The following ZNF415 variants were observed in gnomAD, a reference collection of about 807,000 sequenced individuals.
ZNF415 encodes the protein zinc finger protein 415.
ZNF415 carries 5 observed loss-of-function variants against 7.3 expected under a neutral mutation model. The ratio of observed to expected loss-of-function variants is 0.69; its 90% CI spans 0.36 to 1.44. ZNF415 has a LOEUF of 1.44. ZNF415 is among the 40% of genes most tolerant of loss of function. The probability of loss-of-function intolerance (pLI) is 0.04; values close to 1 mark genes in which losing one functional copy is unlikely to be tolerated. For synonymous variants in ZNF415, 207 were observed against 226.3 expected, an observed-to-expected ratio of 0.91 and a Z score of 0.77; for missense variants, 628 against 664.8, an observed-to-expected ratio of 0.94 and a Z score of 0.61.
At chr19:53,115,745 C>G in intron 3 of ZNF415, 6 of 1,550,510 alleles carry the variant, frequency 3.9e-6, no homozygotes, top group Non-Finnish European at 5.2e-6. Context: ...TTTTGGTTTT[C>G]TTGCTACTCG....
In ZNF415 at chr19:53,109,577, T is replaced by G; in HGVS notation, c.468A>C (p.Glu156Asp). Residue 156 changes from glutamate (E) to aspartate (D), a missense_variant, in exon 4 of 4, where the codon GAA becomes GAC. By Grantham distance (45) the Glu-to-Asp change is conservative. Coordinates refer to ENST00000243643, the MANE Select transcript of ZNF415 (RefSeq NM_018355.4). ...CATGGTTACATTCATAAATTTTCCC[T>G]TCAGCTTGAAACTGCTGCAGTTCAT... ...HPHELQQFQA[E>D]GKIYECNHVE... 1 of 1,614,134 alleles carries G rather than the reference T, an allele frequency of 6.2e-7. No individual in the cohort carries two copies.
At chr19:53,112,860 G>A (rs2086433986) in intron 3 of ZNF415, among the ~76,000 whole-genome samples, 1 of 152,088 alleles carries the variant, frequency 6.6e-6, no homozygotes, top group Admixed American at 6.5e-5. Context: ...GCCGAGGCGG[G>A]TGGATCACAT....
chr19:53,132,014 C>T (rs2090141783), intron 1 of ZNF415, among the ~76,000 whole-genome samples: 1 of 152,070 alleles, frequency 6.6e-6, no homozygotes, highest in African/African-American at 2.4e-5. Flanking sequence ...GAGCCTCCTC[C>T]TTTGCTGCCC....
In ZNF415 at chr19:53,109,454, GA is replaced by G. The variant is rs780109923; in HGVS notation, c.590del (p.Phe197SerfsTer29). ...THVSNKYGTD[F>X]ICSSLLTQEQ... Reference sequence around the variant, plus strand: ...CTTGTGTGAGTAATGAAGAACAGATGAAATCAGTCCCATATTTATTAGAAAC... The same window carrying G: ...CTTGTGTGAGTAATGAAGAACAGATGAATCAGTCCCATATTTATTAGAAAC... On this transcript the variant is annotated frameshift_variant, in exon 4 of 4. Coordinates refer to ENST00000243643, the MANE Select transcript of ZNF415 (RefSeq NM_018355.4). LOFTEE classifies it low-confidence loss of function (END_TRUNC). The G allele has an allele frequency of 6.2e-6, 10 of 1,613,974 alleles. No individual in the cohort carries two copies. The highest frequency in any genetic ancestry group is 1.3e-5 in the African/African-American group (1 of 74,930).
chr19:53,108,874 T>C lies in ZNF415; in HGVS notation c.1171A>G (p.Lys391Glu), dbSNP rs140107236. 1 of 1,614,130 alleles carries C rather than the reference T, an allele frequency of 6.2e-7. No homozygotes were observed. The highest frequency in any genetic ancestry group is 1.1e-5 in the South Asian group (1 of 91,074). Residue 391 changes from lysine to glutamate, a missense_variant, in exon 4 of 4, where the codon AAA becomes GAA. Physicochemically the swap from Lys to Glu is moderately conservative, Grantham distance 56 (BLOSUM62 1). Coordinates refer to ENST00000243643, the MANE Select transcript of ZNF415 (RefSeq NM_018355.4). The stretch of plus-strand genomic sequence containing the variant: ...AGGCTTGAAGTCTGACTGAAGACTT[T>C]ACCACATTCATTACACTTGTATGGT... ...EKPYKCNECG[K>E]VFSQTSSLAR... is the part of the protein sequence containing the mutation.
rs1478678683 is a variant in ZNF415 at position 53,128,652 on chromosome 19, G to A, written c.-68+4204C>T. Among the ~76,000 whole-genome samples, 25 of 114,392 alleles carry A rather than the reference G, an allele frequency of 2.2e-4. 2 individuals carry two copies. Among genetic ancestry groups the A allele is most frequent in the Non-Finnish European group, 3.0e-4 (15 of 50,386 alleles). The allele number at this position is 114,392 out of a possible 152,430, so 75.0% of individuals were successfully genotyped here. ...TGGAGTAAGGCGGTGGGGACGCCTCGGCACTGGCTGAGGACACAGGGTCTG... is the reference window on the plus strand; with the variant it reads ...TGGAGTAAGGCGGTGGGGACGCCTCAGCACTGGCTGAGGACACAGGGTCTG... On this transcript the variant is annotated intron_variant, in intron 1 of 3. Coordinates refer to ENST00000243643, the MANE Select transcript of ZNF415 (RefSeq NM_018355.4).
chr19:53,128,011 C>G (rs141554263), intron 1 of ZNF415, among the ~76,000 whole-genome samples: 15 of 152,290 alleles, frequency 9.8e-5, no homozygotes, highest in Non-Finnish European at 1.5e-4. Flanking sequence ...CAATTCTACT[C>G]ACTCCTTGAT....
At chr19:53,116,630 G>GTTTTTTTTTTTTTTTTTTTTTTT (rs2087100870) in intron 2 of ZNF415, among the ~76,000 whole-genome samples, 197 bp from the exon 3 acceptor site, 1 of 100,662 alleles carries the variant, frequency 9.9e-6, no homozygotes, top group Admixed American at 9.9e-5. Context: ...TTTTTTTTTG[G>GTTTTTTTTTTTTTTTTTTTTTTT]TTTGAGACAA....
chr19:53,123,679 C>T (rs2088532584), intron 1 of ZNF415: 2 of 398,428 alleles, frequency 5.0e-6, no homozygotes, highest in East Asian at 7.1e-5. Flanking sequence ...TCAGGCAGGG[C>T]AGATGCTGTC....
intron 3 of ZNF415, among the ~76,000 whole-genome samples, chr19:53,112,684 G>T (rs1380748574): frequency 6.6e-6 from 1 of 152,204 alleles, no homozygotes; most frequent in South Asian, 2.1e-4. Flanking sequence ...GGTATCATGT[G>T]AGGATAGGAG....
At chr19:53,130,668 G>T (rs537192094) in intron 1 of ZNF415, among the ~76,000 whole-genome samples, 11 of 150,644 alleles carry the variant, frequency 7.3e-5, no homozygotes, top group African/African-American at 2.4e-4. Context: ...TTTGTTCTTT[G>T]TTTTTTTTTC....
chr19:53,111,340 CTTTTTTTTTTTT>C (rs61112807), intron 3 of ZNF415, among the ~76,000 whole-genome samples: 1 of 105,120 alleles, frequency 9.5e-6, no homozygotes, highest in Non-Finnish European at 1.8e-5. Context: ...TATGATATTT[CTTTTTTTTTTTT>C]TTTTTTTTTG....
intron 2 of ZNF415, among the ~76,000 whole-genome samples, chr19:53,120,960 T>C (rs2087906302): frequency 6.6e-6 from 1 of 150,608 alleles, no homozygotes; most frequent in Non-Finnish European, 1.5e-5. Context: ...GGCGCGTGCC[T>C]GTAATCCCAG....
At chr19:53,122,487 G>A in intron 2 of ZNF415, 175 bp downstream of exon 2, 4 of 1,566,096 alleles carry the variant, frequency 2.6e-6, no homozygotes, top group Non-Finnish European at 3.5e-6. Context: ...ACAGGGTCAG[G>A]GTGAGACGGA....
chr19:53,111,429 G>C (rs916609690), intron 3 of ZNF415, among the ~76,000 whole-genome samples: 3 of 141,864 alleles, frequency 2.1e-5, no homozygotes, highest in African/African-American at 7.9e-5. Flanking sequence ...TGCAACCTCT[G>C]CTTCCTGGGT....
Position 53,122,292 on chromosome 19 carries a change from C to T in ZNF415, c.15+370G>A. ...AAAACAAAAACAACAAAAAACATGA[C>T]TTCCATGGGCAGCTTCTCTATTCCT... On this transcript the variant is annotated intron_variant, in intron 2 of 3. Transcript: ENST00000243643. 3.7e-6 allele frequency: 4 copies of T among 1,083,448 alleles called. No individual in the cohort carries two copies. The South Asian group carries it at 6.0e-5, about 16-fold the overall frequency. The allele number at this position is 1,083,448 out of a possible 1,614,324, so 67.1% of individuals were successfully genotyped here.
chr19:53,115,883 A>C, intron 3 of ZNF415: 12 of 1,245,406 alleles, frequency 9.6e-6, no homozygotes, highest in Non-Finnish European at 1.4e-5. Context: ...CAAGAATCTC[A>C]GCCCTTTGCT....
At position 53,108,412 on chromosome 19, in the gene ZNF415, T is replaced by A. The variant is rs35910175; in HGVS notation, c.1633A>T (p.Ile545Phe). The change falls in exon 4 of 4, where the codon ATC (isoleucine) becomes TTC (phenylalanine). Residue 545 changes from isoleucine to phenylalanine, a missense_variant. Physicochemically the swap from Ile to Phe is conservative, Grantham distance 21. Transcript: ENST00000243643. Reference sequence around the variant, plus strand: ...TTATAAGGTTTCTCCTTAGTATGGATAATTTGATGTCTGAAGAGGTTTGGG... The same window carrying A: ...TTATAAGGTTTCTCCTTAGTATGGAAAATTTGATGTCTGAAGAGGTTTGGG... ...VRPNLFRHQIIHTKEKPYKRN is the reference protein window; with the variant it reads ...VRPNLFRHQIFHTKEKPYKRN The A allele has an allele frequency of 1.7e-5, 28 of 1,613,832 alleles. No homozygotes were observed. The African/African-American group carries it at 3.6e-4, about 21-fold the overall frequency.
At chr19:53,132,175 T>C (rs1283246115) in intron 1 of ZNF415, among the ~76,000 whole-genome samples, 4 of 152,250 alleles carry the variant, frequency 2.6e-5, no homozygotes, top group Non-Finnish European at 5.9e-5. Flanking sequence ...CTTTGCCATC[T>C]GTTTATTGGT....
Sources: gnomAD v4.1 joint callset for allele counts (sites outside exome capture counted in the v4.1 genomes callset) on GRCh38, gnomAD v4.1.1 for gene constraint, MANE v1.5 for transcripts, NCBI Gene and HGNC (gene_info 2026-07-23, HGNC 2026-07-21) for gene names.